ELP3: variants seen among roughly 807,000 people sequenced by gnomAD.
ELP3 encodes the protein elongator complex protein 3.
A neutral mutation model predicts 74.9 loss-of-function variants in ELP3; 56 were observed. That is an observed-to-expected ratio of 0.75 (90% confidence interval 0.60 to 0.93). The LOEUF is 0.93. Among genes scored for constraint, ELP3 ranks in the 40% least tolerant of loss-of-function variants. The pLI is 0.00. For missense variants in ELP3, 573 were observed against 686.5 expected, an observed-to-expected ratio of 0.83 and a Z score of 1.85; for synonymous variants, 222 against 239.8, an observed-to-expected ratio of 0.93 and a Z score of 0.68.
intron 3 of ELP3, among the ~76,000 whole-genome samples, chr8:28,103,297 G>T (rs867140322): frequency 2.0e-5 from 3 of 152,260 alleles, no homozygotes; most frequent in Middle Eastern, 6.8e-3. Flanking sequence ...GCTTTTTCCA[G>T]AGTGTCATGT....
intron 9 of ELP3, among the ~76,000 whole-genome samples, chr8:28,136,005 A>C (rs183688633): frequency 1.9e-4 from 27 of 144,560 alleles, no homozygotes; most frequent in African/African-American, 6.8e-4. Context: ...TCTGTCACCC[A>C]GGCTGGAGTG....
intron 14 of ELP3, among the ~76,000 whole-genome samples, chr8:28,183,487 G>A (rs1049501939): frequency 1.3e-5 from 2 of 152,066 alleles, no homozygotes; most frequent in Admixed American, 6.5e-5. Flanking sequence ...GCAGTGGCAC[G>A]ATCTCAGCTC....
intron 10 of ELP3, among the ~76,000 whole-genome samples, chr8:28,143,368 A>G (rs1316473436): frequency 1.3e-5 from 2 of 152,204 alleles, no homozygotes; most frequent in South Asian, 2.1e-4. Flanking sequence ...AAAATATTCT[A>G]TTTACATGAG....
chr8:28,109,107 T>C (rs1811810935), intron 5 of ELP3, among the ~76,000 whole-genome samples: 1 of 152,124 alleles, frequency 6.6e-6, no homozygotes, highest in Non-Finnish European at 1.5e-5. Flanking sequence ...GTAAGGAGTT[T>C]CCATTTTAGC....
chr8:28,138,455 A>C (rs547794091), intron 10 of ELP3, among the ~76,000 whole-genome samples: 10 of 152,356 alleles, frequency 6.6e-5, no homozygotes, highest in African/African-American at 2.4e-4. Context: ...ACATACATAC[A>C]TACATATATA....
At chr8:28,115,396 A>C (rs997880709) in intron 7 of ELP3, among the ~76,000 whole-genome samples, 5 of 152,192 alleles carry the variant, frequency 3.3e-5, no homozygotes, top group African/African-American at 1.2e-4. Flanking sequence ...TTGTGTGTTC[A>C]TGCACATACA....
chr8:28,182,486 G>C (rs1375861568), intron 14 of ELP3, among the ~76,000 whole-genome samples: 1 of 152,138 alleles, frequency 6.6e-6, no homozygotes, highest in Non-Finnish European at 1.5e-5. Flanking sequence ...GTTTGAAGCT[G>C]GGCGGCAGAG....
At chr8:28,091,017 C>T (rs1359954573), upstream of ELP3, among the ~76,000 whole-genome samples, 1 of 151,166 alleles carries the variant, frequency 6.6e-6, no homozygotes, top group Admixed American at 6.6e-5. Context: ...CGCCATTCTC[C>T]TGCCTCAGCC....
intron 14 of ELP3, 67 bp from the exon 15 acceptor site, chr8:28,189,582 A>G: frequency 6.7e-7 from 1 of 1,501,258 alleles, no homozygotes; most frequent in Non-Finnish European, 9.3e-7. Context: ...AGGCTGAGGG[A>G]AGCACATGCC....
At chr8:28,137,603 T>G (rs986788434) in intron 9 of ELP3, 95 bp from the exon 10 acceptor site, 1 of 1,242,608 alleles carries the variant, frequency 8.0e-7, no homozygotes, top group Admixed American at 2.1e-5. Flanking sequence ...CAGGGCCTAC[T>G]GGGTGTGCCA....
chr8:28,094,512 A>G (rs1209423105), intron 1 of ELP3, among the ~76,000 whole-genome samples: 1 of 152,154 alleles, frequency 6.6e-6, no homozygotes, highest in Admixed American at 6.5e-5. Context: ...TGAGGTCAGG[A>G]ATTGGAGACC....
At chr8:28,139,191 TA>T (rs1432882736) in intron 10 of ELP3, among the ~76,000 whole-genome samples, 1 of 152,126 alleles carries the variant, frequency 6.6e-6, no homozygotes, top group Non-Finnish European at 1.5e-5. Context: ...GTACGTCCTC[TA>T]GGGGTGGGTT....
intron 11 of ELP3, among the ~76,000 whole-genome samples, 192 bp from the exon 12 acceptor site, chr8:28,158,376 T>G (rs945926999): frequency 2.0e-5 from 3 of 152,210 alleles, no homozygotes; most frequent in African/African-American, 7.2e-5. Context: ...TTCCCCATCC[T>G]CAGATTCATT....
At chr8:28,176,397 T>G (rs895584450) in intron 14 of ELP3, among the ~76,000 whole-genome samples, 1 of 152,202 alleles carries the variant, frequency 6.6e-6, no homozygotes, top group Non-Finnish European at 1.5e-5. Context: ...CCTATATTTT[T>G]GGAGGACTAG....
At chr8:28,105,219 T>TA (rs796711728) in intron 3 of ELP3, among the ~76,000 whole-genome samples, 2,472 of 143,588 alleles carry the variant, frequency 0.017, 51 homozygotes, top group African/African-American at 0.05. Flanking sequence ...CTGTCTCTAC[T>TA]AAAAAAAAAA....
chr8:28,180,133 G>A (rs1290012395), intron 14 of ELP3, among the ~76,000 whole-genome samples: 4 of 152,044 alleles, frequency 2.6e-5, no homozygotes, highest in African/African-American at 9.7e-5. Context: ...TTTCCCGTTT[G>A]GGCTTCCTTG....
chr8:28,174,753 T>C (rs1814675837), intron 14 of ELP3, among the ~76,000 whole-genome samples: 1 of 152,198 alleles, frequency 6.6e-6, no homozygotes, highest in African/African-American at 2.4e-5. Context: ...TTTCTTCATA[T>C]GGTTCCAAGT....
intron 14 of ELP3, chr8:28,183,141 C>T: frequency 2.2e-6 from 1 of 456,208 alleles, no homozygotes; most frequent in Non-Finnish European, 4.4e-6. Context: ...TAATAACTTA[C>T]ATATAGTAAA....
At chr8:28,172,609 T>C (rs990322862) in intron 14 of ELP3, among the ~76,000 whole-genome samples, 3 of 152,136 alleles carry the variant, frequency 2.0e-5, no homozygotes, top group Non-Finnish European at 4.4e-5. Flanking sequence ...ATAGTTTTAC[T>C]TATTCCTATC....
Sources: allele counts gnomAD v4.1 joint callset (sites outside exome capture counted in the v4.1 genomes callset), GRCh38; gene constraint gnomAD v4.1.1; transcripts MANE v1.5; gene names NCBI Gene and HGNC (gene_info 2026-07-23, HGNC 2026-07-21).